NGEF: variants seen among roughly 807,000 people sequenced by gnomAD.
NGEF encodes the protein ephexin-1.
NGEF carries 31 observed loss-of-function variants against 80.9 expected under a neutral mutation model. The observed-to-expected ratio is 0.38, with a 90% confidence interval of 0.29 to 0.52. NGEF has a LOEUF of 0.52. NGEF is among the 20% of genes least tolerant of loss of function. The pLI, the probability that NGEF is intolerant of heterozygous loss-of-function variation, is 0.84. For synonymous variants in NGEF, 371 were observed against 370.2 expected (o/e 1.00, Z -0.03); for missense variants, 709 against 926.2 (o/e 0.77, Z 3.04).
At chr2:232,967,586 C>T (rs1161320856) in intron 3 of NGEF, among the ~76,000 whole-genome samples, 3 of 152,174 alleles carry the variant, frequency 2.0e-5, no homozygotes, top group Non-Finnish European at 4.4e-5. Flanking sequence ...CCTCCTACCT[C>T]TTCCTCCCAA....
intron 12 of NGEF, 90 bp downstream of exon 12, chr2:232,883,221 T>C: frequency 1.6e-5 from 23 of 1,455,118 alleles, no homozygotes; most frequent in Non-Finnish European, 2.1e-5. Context: ...GTGTGGTGCC[T>C]TGTTCCACCT....
intron 5 of NGEF, among the ~76,000 whole-genome samples, chr2:232,898,040 A>G (rs1249047377): frequency 6.8e-6 from 1 of 146,552 alleles, no homozygotes; most frequent in Non-Finnish European, 1.5e-5. Flanking sequence ...GTCCACCGAC[A>G]CAAAAGTGAG....
chr2:232,979,198 T>C (rs545626825), intron 1 of NGEF, among the ~76,000 whole-genome samples: 1 of 152,132 alleles, frequency 6.6e-6, no homozygotes, highest in African/African-American at 2.4e-5. Flanking sequence ...TATTCTTGAC[T>C]TCTAGCTCTC....
chr2:232,885,500 C>A, intron 9 of NGEF, 131 bp from the exon 10 acceptor site: 2 of 724,910 alleles, frequency 2.8e-6, no homozygotes, highest in Non-Finnish European at 4.7e-6. Flanking sequence ...CTGAGGCTGG[C>A]TGGCCAGTCT....
chr2:232,981,784 C>T (rs1414166715), intron 1 of NGEF, among the ~76,000 whole-genome samples: 1 of 152,204 alleles, frequency 6.6e-6, no homozygotes, highest in Non-Finnish European at 1.5e-5. Flanking sequence ...GCACAGCTGG[C>T]TCTGCGTGAA....
chr2:232,971,556 A>G (rs994043374), intron 2 of NGEF, among the ~76,000 whole-genome samples: 1 of 152,108 alleles, frequency 6.6e-6, no homozygotes, highest in Non-Finnish European at 1.5e-5. Context: ...ATGGTGGCAG[A>G]CACCTGTGGT....
chr2:232,899,996 A>ACT (rs763787736), intron 5 of NGEF, among the ~76,000 whole-genome samples: 3 of 136,856 alleles, frequency 2.2e-5, no homozygotes, highest in Non-Finnish European at 4.6e-5. Context: ...TCACTCACAC[A>ACT]CGCTCTCACA....
chr2:232,946,816 T>A (rs1693569758), intron 3 of NGEF, among the ~76,000 whole-genome samples: 1 of 152,150 alleles, frequency 6.6e-6, no homozygotes, highest in South Asian at 2.1e-4. Context: ...GGCTCCTATG[T>A]GACAGTTTGA....
chr2:233,000,774 A>C (rs1422803906), intron 1 of NGEF, among the ~76,000 whole-genome samples: 1 of 145,450 alleles, frequency 6.9e-6, no homozygotes, highest in African/African-American at 2.6e-5. Flanking sequence ...AAAAAAAAAA[A>C]CGAAAAAACC....
intron 5 of NGEF, among the ~76,000 whole-genome samples, chr2:232,899,986 T>TC (rs1163877640): frequency 1.2e-5 from 1 of 85,034 alleles, no homozygotes; most frequent in Non-Finnish European, 2.3e-5. Context: ...ATTCACTCAT[T>TC]CACTCACACA....
intron 3 of NGEF, among the ~76,000 whole-genome samples, chr2:232,934,999 C>T (rs531846746): frequency 6.7e-6 from 1 of 148,324 alleles, no homozygotes; most frequent in Admixed American, 6.7e-5. Context: ...CAGAGTGAGA[C>T]TCTGTCTCAA....
intron 3 of NGEF, among the ~76,000 whole-genome samples, chr2:232,947,439 C>T (rs977542315): frequency 6.6e-6 from 1 of 152,282 alleles, no homozygotes. Flanking sequence ...GACCTGCAAA[C>T]TCTACCTGTT....
At chr2:232,964,121 C>T (rs986884862) in intron 3 of NGEF, among the ~76,000 whole-genome samples, 1 of 152,138 alleles carries the variant, frequency 6.6e-6, no homozygotes, top group African/African-American at 2.4e-5. Flanking sequence ...GCAACTGGAA[C>T]CTTGATGCCT....
chr2:232,878,896 A>G lies in NGEF; in HGVS notation c.*593T>C, dbSNP rs1042982508. The G allele has an allele frequency of 5.2e-5, 8 of 152,590 alleles. No homozygotes were observed. The highest frequency in any genetic ancestry group is 1.9e-4 in the African/African-American group (8 of 41,462). 9.5% of individuals were successfully genotyped at this position (152,590 alleles called of 1,614,324 possible). ...GAGGGGTCCCCAGCCAAGCTCTGGC[A>G]GGCCTGCCATGGGGCAGGGCCTGAC... On this transcript the variant is annotated 3_prime_UTR_variant, in exon 15 of 15. Transcript: ENST00000264051.
chr2:232,928,137 A>G (rs1326085438), intron 3 of NGEF: 22 of 987,398 alleles, frequency 2.2e-5, no homozygotes, highest in Non-Finnish European at 2.5e-5. Context: ...CGCCGCCGCC[A>G]CCGCTGCCGA....
chr2:232,954,867 G>A (rs547943189), intron 3 of NGEF, among the ~76,000 whole-genome samples: 1 of 152,296 alleles, frequency 6.6e-6, no homozygotes, highest in Admixed American at 6.5e-5. Flanking sequence ...AGGCACCAGT[G>A]TGGGTGGGGG....
chr2:232,893,143 T>C (rs1574994057), intron 6 of NGEF, 93 bp from the exon 7 acceptor site: 12 of 1,334,926 alleles, frequency 9.0e-6, no homozygotes, highest in African/African-American at 1.4e-5. Context: ...GACTTGGACA[T>C]TGGACATAGC....
At chr2:232,970,392 T>G in intron 2 of NGEF, 64 bp from the exon 3 acceptor site, 18 of 1,095,756 alleles carry the variant, frequency 1.6e-5, no homozygotes, top group Non-Finnish European at 2.2e-5. Context: ...GGCAATTCTC[T>G]GTAAGCCTAG....
At chr2:232,958,532 T>C (rs1427042424) in intron 3 of NGEF, among the ~76,000 whole-genome samples, 1 of 152,164 alleles carries the variant, frequency 6.6e-6, no homozygotes, top group African/African-American at 2.4e-5. Context: ...ACTGTGCCAA[T>C]TGCTCAGGAA....
Sources: allele counts gnomAD v4.1 joint callset (sites outside exome capture counted in the v4.1 genomes callset), GRCh38; gene constraint gnomAD v4.1.1; transcripts MANE v1.5; gene names NCBI Gene and HGNC (gene_info 2026-07-23, HGNC 2026-07-21).